The following LRRC4C variants were observed in gnomAD, a reference collection of about 807,000 sequenced individuals.
LRRC4C encodes the protein leucine-rich repeat-containing protein 4C.
LRRC4C carries 5 observed loss-of-function variants against 33.6 expected under a neutral mutation model. The ratio of observed to expected loss-of-function variants is 0.15; its 90% CI spans 0.08 to 0.31. LRRC4C has a LOEUF of 0.31. LRRC4C is among the 10% of genes least tolerant of loss of function. LRRC4C has a pLI of 1.00. For synonymous variants in LRRC4C, 329 were observed against 302.0 expected, an observed-to-expected ratio of 1.09 and a Z score of -0.93; for missense variants, 560 against 796.7, an observed-to-expected ratio of 0.70 and a Z score of 3.58.
intron 4 of LRRC4C, among the ~76,000 whole-genome samples, chr11:40,269,388 A>G (rs1191186751): frequency 6.6e-6 from 1 of 152,194 alleles, no homozygotes; most frequent in Non-Finnish European, 1.5e-5. Context: ...AGTGGGTATT[A>G]TTATTGTCCC....
intron 3 of LRRC4C, among the ~76,000 whole-genome samples, chr11:40,473,124 T>C (rs967876856): frequency 1.3e-4 from 20 of 152,134 alleles, no homozygotes; most frequent in African/African-American, 4.8e-4. Flanking sequence ...ATCATCCTGA[T>C]ACAAAACTTG....
intron 5 of LRRC4C, among the ~76,000 whole-genome samples, chr11:40,188,926 T>C (rs963517320): frequency 6.6e-6 from 1 of 152,230 alleles, no homozygotes; most frequent in African/African-American, 2.4e-5. Context: ...AATTTTGGCA[T>C]TAAATTACCT....
intron 1 of LRRC4C, among the ~76,000 whole-genome samples, chr11:41,209,444 A>T (rs2136305791): frequency 6.6e-6 from 1 of 151,852 alleles, no homozygotes; most frequent in South Asian, 2.1e-4. Context: ...GGAGAGGATT[A>T]TTAGTATGAA....
At chr11:41,055,451 G>A in intron 1 of LRRC4C, among the ~76,000 whole-genome samples, 1 of 152,086 alleles carries the variant, frequency 6.6e-6, no homozygotes, top group East Asian at 1.9e-4. Context: ...AAGCATACAG[G>A]TAGTGTAAAA....
At chr11:40,489,803 A>T (rs1482456231) in intron 3 of LRRC4C, among the ~76,000 whole-genome samples, 1 of 152,172 alleles carries the variant, frequency 6.6e-6, no homozygotes, top group African/African-American at 2.4e-5. Flanking sequence ...AGGCAGACAA[A>T]TAGGATACTT....
At chr11:40,274,104 C>T (rs1754173452) in intron 4 of LRRC4C, among the ~76,000 whole-genome samples, 1 of 152,032 alleles carries the variant, frequency 6.6e-6, no homozygotes, top group African/African-American at 2.4e-5. Context: ...AGAAAAAGAA[C>T]AAGAAATGAT....
intron 1 of LRRC4C, among the ~76,000 whole-genome samples, chr11:41,451,930 TG>T (rs1207065643): frequency 2.0e-5 from 3 of 151,924 alleles, no homozygotes; most frequent in African/African-American, 7.3e-5. Context: ...CTATGCATGG[TG>T]GATGTCTCCA....
At chr11:41,368,061 T>C (rs972540214) in intron 1 of LRRC4C, among the ~76,000 whole-genome samples, 3 of 152,144 alleles carry the variant, frequency 2.0e-5, no homozygotes, top group Non-Finnish European at 2.9e-5. Flanking sequence ...CAAAATCTCA[T>C]ATTGAGTTAG....
chr11:40,936,547 A>G (rs1237172277), intron 1 of LRRC4C, among the ~76,000 whole-genome samples: 1 of 151,874 alleles, frequency 6.6e-6, no homozygotes, highest in Admixed American at 6.6e-5. Context: ...CATGTTCGCC[A>G]GGATGGTCTC....
intron 3 of LRRC4C, among the ~76,000 whole-genome samples, chr11:40,557,649 T>C (rs570671111): frequency 6.6e-6 from 1 of 151,762 alleles, no homozygotes; most frequent in Non-Finnish European, 1.5e-5. Flanking sequence ...AAAGTGAGCT[T>C]CTCTGACATT....
intron 2 of LRRC4C, among the ~76,000 whole-genome samples, chr11:40,848,179 T>A (rs1025729251): frequency 2.0e-5 from 3 of 152,006 alleles, no homozygotes; most frequent in African/African-American, 7.2e-5. Flanking sequence ...TTATTTCTTG[T>A]CTTCTGCTAG....
chr11:40,262,959 A>G (rs151163681), intron 4 of LRRC4C, among the ~76,000 whole-genome samples: 2,167 of 151,618 alleles, frequency 0.014, 65 homozygotes, highest in African/African-American at 0.05. Flanking sequence ...CTGCCCATGT[A>G]TCCTAGAACT....
chr11:41,349,383 G>A (rs1395688714), intron 1 of LRRC4C, among the ~76,000 whole-genome samples: 4 of 152,082 alleles, frequency 2.6e-5, no homozygotes, highest in Admixed American at 6.5e-5. Context: ...CATTTGGAAT[G>A]TTGGTGCCAG....
chr11:41,416,769 A>G (rs184220755), intron 1 of LRRC4C, among the ~76,000 whole-genome samples: 1 of 152,006 alleles, frequency 6.6e-6, no homozygotes, highest in African/African-American at 2.4e-5. Flanking sequence ...ATATCTACCT[A>G]ACTACTTCAT....
intron 2 of LRRC4C, among the ~76,000 whole-genome samples, chr11:40,770,872 C>G (rs1424056697): frequency 6.6e-6 from 1 of 152,168 alleles, no homozygotes; most frequent in Non-Finnish European, 1.5e-5. Context: ...CCTTGGGCAG[C>G]TCCACTCCTG....
chr11:41,221,913 G>A (rs941869868), intron 1 of LRRC4C, among the ~76,000 whole-genome samples: 1 of 152,060 alleles, frequency 6.6e-6, no homozygotes, highest in Admixed American at 6.6e-5. Flanking sequence ...TCTTCTTCTA[G>A]GGCACGCTAC....
chr11:41,438,076 A>ATAATAAT (rs1253074350), intron 1 of LRRC4C, among the ~76,000 whole-genome samples: 1 of 89,978 alleles, frequency 1.1e-5, no homozygotes, highest in African/African-American at 3.2e-5. Flanking sequence ...TAAATAATAA[A>ATAATAAT]AAAAAATAAT....
intron 2 of LRRC4C, among the ~76,000 whole-genome samples, chr11:40,778,668 A>G (rs1201375223): frequency 6.6e-6 from 1 of 152,188 alleles, no homozygotes; most frequent in East Asian, 1.9e-4. Context: ...TAGATTGATC[A>G]AGGAAAGTCT....
chr11:40,442,975 T>A (rs1951461539), intron 3 of LRRC4C, among the ~76,000 whole-genome samples: 1 of 152,198 alleles, frequency 6.6e-6, no homozygotes, highest in African/African-American at 2.4e-5. Flanking sequence ...ATGTAGGAGA[T>A]AAGTGATTCA....
Sources: allele counts gnomAD v4.1 joint callset (sites outside exome capture counted in the v4.1 genomes callset), GRCh38; gene constraint gnomAD v4.1.1; transcripts MANE v1.5; gene names NCBI Gene and HGNC (gene_info 2026-07-23, HGNC 2026-07-21).